The following CORIN variants were observed in gnomAD, a reference collection of about 807,000 sequenced individuals.
CORIN encodes atrial natriuretic peptide-converting enzyme.
CORIN carries 117 observed loss-of-function variants against 125.3 expected under a neutral mutation model. The ratio of observed to expected loss-of-function variants is 0.93; its 90% CI spans 0.80 to 1.09. The LOEUF (loss-of-function observed/expected upper bound fraction) is 1.09. Ranked by LOEUF, CORIN falls within the 50% of genes least tolerant of loss-of-function variation. The probability of loss-of-function intolerance (pLI) is 0.00; values close to 1 mark genes in which losing one functional copy is unlikely to be tolerated. For synonymous variants in CORIN, 450 were observed against 466.4 expected, an observed-to-expected ratio of 0.96 and a Z score of 0.45; for missense variants, 1,253 against 1,306.7, an observed-to-expected ratio of 0.96 and a Z score of 0.63.
rs1003723851 is a variant in CORIN at position 47,665,064 on chromosome 4, A to G, written c.1557T>C (p.Asp519=). The part of the protein sequence containing the change: ...FSCTILVPKC[D]VNTGEHIPPC... ...GAGGGATATGCTCGCCTGTATTCAC[A>G]TCACATTTTGGTACCAAAATGGTGC... The change falls in exon 11 of 22, where the codon GAT becomes GAC. Residue 519 remains aspartate, a synonymous_variant. Coordinates refer to ENST00000273857, the MANE Select transcript of CORIN (RefSeq NM_006587.4). 1 of 1,612,878 alleles carries G rather than the reference A, an allele frequency of 6.2e-7. No individual in the cohort carries two copies. The highest frequency in any genetic ancestry group is 8.5e-7 in the Non-Finnish European group (1 of 1,179,002).
intron 19 of CORIN, among the ~76,000 whole-genome samples, chr4:47,621,980 C>T (rs1211461137): frequency 7.9e-6 from 1 of 126,960 alleles, no homozygotes; most frequent in African/African-American, 2.9e-5. Flanking sequence ...GGTATATCTC[C>T]CAATGCTATC....
chr4:47,729,083 C>T lies in CORIN; in HGVS notation c.799+15319G>A, dbSNP rs116615077. Reference sequence around the variant, plus strand: ...AACAAGAAAACGATTTTATCTGGCACTGCTTCTTTATCCTGGGTATGTGGC... The same window carrying T: ...AACAAGAAAACGATTTTATCTGGCATTGCTTCTTTATCCTGGGTATGTGGC... On this transcript the variant is annotated intron_variant, in intron 5 of 21. Coordinates refer to ENST00000273857, the MANE Select transcript of CORIN (RefSeq NM_006587.4). Among the ~76,000 whole-genome samples, 541 of 152,292 alleles carry T rather than the reference C, an allele frequency of 3.6e-3. 3 individuals are homozygous for T. The highest frequency in any genetic ancestry group is 6.7e-3 in the Non-Finnish European group (455 of 68,026).
intron 5 of CORIN, among the ~76,000 whole-genome samples, chr4:47,719,992 T>C (rs1395261934): frequency 6.6e-6 from 1 of 152,176 alleles, no homozygotes; most frequent in Non-Finnish European, 1.5e-5. Context: ...TGTAGTAGTA[T>C]AGGGGTCTAA....
At chr4:47,672,180 C>T (rs1724791950) in intron 10 of CORIN, among the ~76,000 whole-genome samples, 3 of 152,282 alleles carry the variant, frequency 2.0e-5, no homozygotes, top group South Asian at 4.1e-4. Flanking sequence ...CTCCTTTCTC[C>T]ACCACTAGAA....
At chr4:47,715,707 A>G (rs1223233416) in intron 5 of CORIN, among the ~76,000 whole-genome samples, 1 of 152,244 alleles carries the variant, frequency 6.6e-6, no homozygotes, top group Non-Finnish European at 1.5e-5. Flanking sequence ...TCCTGATAAC[A>G]TTGGTCCCAT....
intron 5 of CORIN, among the ~76,000 whole-genome samples, chr4:47,719,718 G>T (rs1287286945): frequency 6.6e-6 from 1 of 152,134 alleles, no homozygotes; most frequent in Non-Finnish European, 1.5e-5. Context: ...TCAGCAAGGG[G>T]TCTTCTGAAA....
chr4:47,794,816 A>G (rs1431299831), intron 2 of CORIN, among the ~76,000 whole-genome samples: 1 of 152,132 alleles, frequency 6.6e-6, no homozygotes, highest in Non-Finnish European at 1.5e-5. Flanking sequence ...TTCTCCATAC[A>G]GCTGCCAATG....
At chr4:47,710,883 C>T (rs898634830) in intron 5 of CORIN, among the ~76,000 whole-genome samples, 2 of 152,246 alleles carry the variant, frequency 1.3e-5, no homozygotes, top group African/African-American at 4.8e-5. Context: ...ACCCATCAAA[C>T]TTACCTGCAA....
chr4:47,664,990 C>CT lies in CORIN; in HGVS notation c.1589+41dup, dbSNP rs1322089824. On this transcript the variant is annotated intron_variant, in intron 11 of 21. Transcript: ENST00000273857. ...CTAAGTCTTCACCCCTTGGTTCTCT[C>CT]TGAGGCAAAATAAGGGACTGGGGTA... The CT allele has an allele frequency of 3.5e-6, 5 of 1,424,520 alleles. No individual in the cohort carries two copies. The South Asian group carries it at 4.8e-5, about 14-fold the overall frequency. 88.2% of individuals were successfully genotyped at this position (1,424,520 alleles called of 1,614,324 possible). A position where few individuals can be genotyped will look rare whatever the true frequency, so the allele number is the denominator to read the frequency against.
At position 47,743,413 on chromosome 4, in the gene CORIN, G is replaced by GGACA. The variant is rs555141451; in HGVS notation, c.799+985_799+988dup. On this transcript the variant is annotated intron_variant, in intron 5 of 21. Transcript: ENST00000273857. ...CCATCAAAAAATAGGCAAAATATTTGGACAGACATTTCACAATACTCCCAT... is the reference window on the plus strand; with the variant it reads ...CCATCAAAAAATAGGCAAAATATTTGGACAGACAGACATTTCACAATACTCCCAT... Among the ~76,000 whole-genome samples the GGACA allele has an allele frequency of 1.4e-4, 22 of 152,238 alleles. No homozygotes were observed. The East Asian group carries it at 4.2e-3, about 29-fold the overall frequency.
intron 4 of CORIN, among the ~76,000 whole-genome samples, chr4:47,755,886 A>G (rs1729115625): frequency 6.6e-6 from 1 of 152,244 alleles, no homozygotes; most frequent in African/African-American, 2.4e-5. Flanking sequence ...TTGAACTCTC[A>G]TTAACCTAGA....
chr4:47,636,308 C>T (rs28706404), intron 16 of CORIN, among the ~76,000 whole-genome samples: 39,766 of 152,064 alleles, frequency 0.26, 5,430 homozygotes, highest in Admixed American at 0.36. Context: ...TAAAGAGTCA[C>T]CTTTCCCTTA....
intron 13 of CORIN, among the ~76,000 whole-genome samples, chr4:47,645,836 A>C (rs994729098): frequency 1.2e-4 from 19 of 152,160 alleles, no homozygotes; most frequent in African/African-American, 4.1e-4. Flanking sequence ...CAGTAAGCCG[A>C]GATTGCACAA....
chr4:47,684,361 CTA>C (rs1725420328), intron 6 of CORIN, among the ~76,000 whole-genome samples: 1 of 152,174 alleles, frequency 6.6e-6, no homozygotes, highest in African/African-American at 2.4e-5. Flanking sequence ...TGTCCAAAGA[CTA>C]TGGTGGCAAG....
chr4:47,708,260 GT>G (rs1726669468), intron 5 of CORIN, among the ~76,000 whole-genome samples: 2 of 152,292 alleles, frequency 1.3e-5, no homozygotes, highest in East Asian at 3.9e-4. Context: ...AAATCAAGGT[GT>G]TGGCAAAGCT....
chr4:47,619,850 C>T (rs1300029678), intron 19 of CORIN, among the ~76,000 whole-genome samples: 2 of 152,104 alleles, frequency 1.3e-5, no homozygotes, highest in African/African-American at 4.8e-5. Context: ...CTAGTGTAAC[C>T]TTCTTATTAC....
chr4:47,624,399 G>A (rs7658596), intron 17 of CORIN, among the ~76,000 whole-genome samples: 40,872 of 151,884 alleles, frequency 0.27, 5,645 homozygotes, highest in Admixed American at 0.35. Context: ...AGTGGTGTGT[G>A]CTCAAAACAA....
In CORIN at chr4:47,728,401, T is replaced by C. The variant is rs1644963296; in HGVS notation, c.799+16001A>G. 3.3e-5 allele frequency among the ~76,000 whole-genome samples: 5 copies of C among 152,314 alleles called. No individual in the cohort carries two copies. In the South Asian group the frequency reaches 1.0e-3, roughly 32 times the overall value. On this transcript the variant is annotated intron_variant, in intron 5 of 21. Transcript: ENST00000273857. ...AAACTTAGAACTAAGCTAATATTTC[T>C]GCTATGTGAAAGAAAAAAAACCAGC...
At chr4:47,749,372 C>A (rs1160907332) in intron 4 of CORIN, among the ~76,000 whole-genome samples, 3 of 152,196 alleles carry the variant, frequency 2.0e-5, no homozygotes, top group Admixed American at 2.0e-4. Context: ...ATTGAGGAGA[C>A]CCACATGGCA....
Sources: gnomAD v4.1 joint callset for allele counts (sites outside exome capture counted in the v4.1 genomes callset) on GRCh38, gnomAD v4.1.1 for gene constraint, MANE v1.5 for transcripts, NCBI Gene and HGNC (gene_info 2026-07-23, HGNC 2026-07-21) for gene names.